FDFT1: variants seen among roughly 807,000 people sequenced by gnomAD.
FDFT1 encodes the protein squalene synthase.
FDFT1 carries 68 observed loss-of-function variants against 46.8 expected under a neutral mutation model. The ratio of observed to expected loss-of-function variants is 1.45; its 90% CI spans 1.19 to 1.78. The LOEUF (loss-of-function observed/expected upper bound fraction) is 1.78. Among genes scored for constraint, FDFT1 ranks in the 40% most tolerant of loss-of-function variants. The pLI, the probability that FDFT1 is intolerant of heterozygous loss-of-function variation, is 0.00. For synonymous variants in FDFT1, 351 were observed against 185.1 expected (o/e 1.90, Z -7.28); for missense variants, 928 against 524.4 (o/e 1.77, Z -7.52).
chr8:11,805,217 G>A (rs1172241926), intron 1 of FDFT1, among the ~76,000 whole-genome samples: 1 of 152,156 alleles, frequency 6.6e-6, no homozygotes, highest in African/African-American at 2.4e-5. Context: ...CACCCAACCA[G>A]TTTCTCTCTG....
At chr8:11,809,135 T>A (rs1807349480) in intron 2 of FDFT1, 1 of 1,320,738 alleles carries the variant, frequency 7.6e-7, no homozygotes, top group Non-Finnish European at 9.7e-7. Context: ...TTTATTAACT[T>A]TTTTTAGTCT....
chr8:11,809,618 A>C, intron 2 of FDFT1, 49 bp from the exon 3 acceptor site: 1 of 1,515,572 alleles, frequency 6.6e-7, no homozygotes, highest in Non-Finnish European at 8.9e-7. Context: ...AAAATAAAAA[A>C]TCTTTGGCTG....
rs566455216 is a variant in FDFT1 at position 11,809,653 on chromosome 8, T to G, written c.198-14T>G. On this transcript the variant is annotated splice_polypyrimidine_tract_variant and intron_variant, in intron 2 of 7. Coordinates refer to ENST00000220584, the MANE Select transcript of FDFT1 (RefSeq NM_004462.5). ...GTTTGTTCCAATATATTAATAGTTT[T>G]CCCTTTTTTACAGCAACGCAGTGTG... 6.3e-7 allele frequency: 1 copy of G among 1,580,444 alleles called. No homozygotes were observed. The highest frequency in any genetic ancestry group is 8.6e-7 in the Non-Finnish European group (1 of 1,165,690).
chr8:11,815,468 T>A (rs182972457), intron 3 of FDFT1, among the ~76,000 whole-genome samples: 73 of 152,354 alleles, frequency 4.8e-4, no homozygotes, highest in Admixed American at 4.4e-3. Flanking sequence ...ATGGTTGAAC[T>A]AATTTACACT....
upstream of FDFT1, chr8:11,802,025 G>A (rs1168762289): frequency 6.6e-6 from 3 of 455,926 alleles, no homozygotes; most frequent in Non-Finnish European, 1.3e-5. Flanking sequence ...AGAGATCTAG[G>A]ATGAGAGAAG....
chr8:11,811,730 A>G (rs1807741549), intron 3 of FDFT1, among the ~76,000 whole-genome samples: 2 of 152,236 alleles, frequency 1.3e-5, no homozygotes, highest in Admixed American at 1.3e-4. Flanking sequence ...GGAAGAGTAA[A>G]AGGGAGCAGA....
At chr8:11,837,351 C>A (rs550748767) in intron 7 of FDFT1, among the ~76,000 whole-genome samples, 2 of 152,334 alleles carry the variant, frequency 1.3e-5, no homozygotes, top group African/African-American at 4.8e-5. Context: ...CCACCCCAGT[C>A]CCCAAGTAGC....
intron 7 of FDFT1, among the ~76,000 whole-genome samples, chr8:11,837,631 T>A (rs1331453900): frequency 6.6e-6 from 1 of 152,074 alleles, no homozygotes; most frequent in African/African-American, 2.4e-5. Context: ...GCGCTACACA[T>A]TACAGAGCTC....
intron 1 of FDFT1, chr8:11,803,478 G>A (rs917239781): frequency 2.2e-5 from 28 of 1,258,662 alleles, no homozygotes; most frequent in Admixed American, 5.1e-5. Flanking sequence ...GTTCCAATGA[G>A]TTATCTAACG....
At chr8:11,809,162 C>T (rs931767400) in intron 2 of FDFT1, 6 of 1,289,002 alleles carry the variant, frequency 4.7e-6, no homozygotes, top group East Asian at 6.9e-5. Context: ...CTGAACCTGC[C>T]TGTGAGCAGG....
At chr8:11,816,683 G>A (rs575160705) in intron 3 of FDFT1, among the ~76,000 whole-genome samples, 1 of 152,282 alleles carries the variant, frequency 6.6e-6, no homozygotes, top group East Asian at 1.9e-4. Flanking sequence ...TGTTATTGGT[G>A]TATAGGAATG....
intron 7 of FDFT1, among the ~76,000 whole-genome samples, chr8:11,834,624 A>C (rs975627639): frequency 6.6e-6 from 1 of 152,120 alleles, no homozygotes; most frequent in Non-Finnish European, 1.5e-5. Flanking sequence ...TTTTTTTCCC[A>C]AATGATGTTT....
At chr8:11,799,751 TC>T (rs1325776220), upstream of FDFT1, among the ~76,000 whole-genome samples, 1 of 151,344 alleles carries the variant, frequency 6.6e-6, no homozygotes, top group African/African-American at 2.4e-5. Flanking sequence ...ATTGAGACCA[TC>T]CTAACCAACA....
intron 3 of FDFT1, 53 bp downstream of exon 3, chr8:11,809,903 C>A: frequency 7.2e-7 from 1 of 1,386,866 alleles, no homozygotes; most frequent in Non-Finnish European, 1.0e-6. Flanking sequence ...TAATTGCTAA[C>A]GTGGTTGTCC....
chr8:11,803,555 C>T (rs960744705), intron 1 of FDFT1: 2 of 1,038,546 alleles, frequency 1.9e-6, no homozygotes, highest in African/African-American at 1.7e-5. Context: ...TTATCTGCCT[C>T]ATGCCTGTAC....
chr8:11,810,615 C>A (rs1284912806), intron 3 of FDFT1, among the ~76,000 whole-genome samples: 1 of 152,094 alleles, frequency 6.6e-6, no homozygotes, highest in East Asian at 1.9e-4. Context: ...TAGTTAAAAT[C>A]CTAAGATTTT....
At chr8:11,812,176 G>C (rs536505120) in intron 3 of FDFT1, among the ~76,000 whole-genome samples, 2 of 152,326 alleles carry the variant, frequency 1.3e-5, no homozygotes, top group South Asian at 4.1e-4. Context: ...GGGGCCATGG[G>C]AATGTGCTTG....
intron 5 of FDFT1, 39 bp downstream of exon 5, chr8:11,826,254 G>A (rs1306965490): frequency 2.9e-6 from 4 of 1,399,710 alleles, no homozygotes; most frequent in Non-Finnish European, 3.8e-6. Flanking sequence ...AATAACTTTA[G>A]ACATTCTCTG....
At position 11,835,971 on chromosome 8, in the gene FDFT1, T is replaced by TAAA. The variant is rs755611965; in HGVS notation, c.1033-2395_1033-2393dup. 2.0e-3 allele frequency among the ~76,000 whole-genome samples: 126 copies of TAAA among 64,544 alleles called. 1 individual carries two copies. The highest frequency in any genetic ancestry group is 9.6e-3 in the Middle Eastern group (1 of 104). The allele number at this position is 64,544 out of a possible 152,430, so 42.3% of individuals were successfully genotyped here. On this transcript the variant is annotated intron_variant, in intron 7 of 7. Coordinates refer to ENST00000220584, the MANE Select transcript of FDFT1 (RefSeq NM_004462.5). ...TTATGTGATGAAACCCTGTCTCTAC[T>TAAA]AAAAAAAAAAAAAAAAAAAAAAAAT... is the stretch of plus-strand genomic sequence containing the variant.
Sources: allele counts gnomAD v4.1 joint callset (sites outside exome capture counted in the v4.1 genomes callset), GRCh38; gene constraint gnomAD v4.1.1; transcripts MANE v1.5; gene names NCBI Gene and HGNC (gene_info 2026-07-23, HGNC 2026-07-21).